AFG3L2: variants seen among roughly 807,000 people sequenced by gnomAD.
The protein encoded by AFG3L2 is mitochondrial inner membrane m-AAA protease component AFG3L2.
In AFG3L2, 54 loss-of-function variants were observed where a neutral mutation model predicts 94.5. The observed-to-expected ratio is 0.57, with a 90% confidence interval of 0.46 to 0.72. AFG3L2 has a LOEUF of 0.72. Ranked by LOEUF, AFG3L2 falls within the 30% of genes least tolerant of loss-of-function variation. The pLI is 0.00. For synonymous variants in AFG3L2, 377 were observed against 365.5 expected, an observed-to-expected ratio of 1.03 and a Z score of -0.36; for missense variants, 754 against 994.9, an observed-to-expected ratio of 0.76 and a Z score of 3.26.
intron 1 of AFG3L2, 138 bp downstream of exon 1, chr18:12,376,831 C>A (rs1568149346): frequency 1.7e-6 from 1 of 576,106 alleles, no homozygotes. Context: ...AGAGACAGCG[C>A]AGGGCGCCCA....
At chr18:12,349,089 T>C (rs939859239) in intron 12 of AFG3L2, among the ~76,000 whole-genome samples, 1 of 152,238 alleles carries the variant, frequency 6.6e-6, no homozygotes, top group African/African-American at 2.4e-5. Flanking sequence ...CATTTTGCGT[T>C]CAGAAGGAGA....
At chr18:12,349,656 CAT>C (rs113472493) in intron 12 of AFG3L2, among the ~76,000 whole-genome samples, 1,566 of 152,010 alleles carry the variant, frequency 0.01, 26 homozygotes, top group African/African-American at 0.031. Context: ...CAAAAGACCA[CAT>C]GTTTTTATTT....
At chr18:12,337,713 C>A (rs1022413778) in intron 15 of AFG3L2, among the ~76,000 whole-genome samples, 178 bp from the exon 16 acceptor site, 1 of 152,172 alleles carries the variant, frequency 6.6e-6, no homozygotes, top group Non-Finnish European at 1.5e-5. Flanking sequence ...GAAGCCCAGG[C>A]ATAACACCTA....
At position 12,333,644 on chromosome 18, in the gene AFG3L2, CAT is replaced by C. The variant is rs377457840; in HGVS notation, c.2175+3695_2175+3696del. 2.6e-3 allele frequency among the ~76,000 whole-genome samples: 395 copies of C among 152,224 alleles called. 2 individuals carry two copies. Among genetic ancestry groups the C allele is most frequent in the African/African-American group, 9.2e-3 (380 of 41,522 alleles). ...CCTCCCAAAGTGCTGGGATTATAGA[CAT>C]GTGCCACAGTTCTTGGCCAAAATAT... On this transcript the variant is annotated intron_variant, in intron 16 of 16. Transcript: ENST00000269143.
rs548494989 is a variant in AFG3L2 at position 12,345,854 on chromosome 18, A to G, written c.1664-1607T>C. ...TTACCATCTGAGGTTTACCTTTTCA[A>G]TAACAAATTTATAGAATAAAAGGGC... is the stretch of plus-strand genomic sequence containing the variant. On this transcript the variant is annotated intron_variant, in intron 13 of 16. Coordinates refer to ENST00000269143, the MANE Select transcript of AFG3L2 (RefSeq NM_006796.3). Among the ~76,000 whole-genome samples, 42 of 152,282 alleles carry G rather than the reference A, an allele frequency of 2.8e-4. No homozygotes were observed. In the South Asian group the frequency reaches 5.4e-3, roughly 20 times the overall value.
At chr18:12,330,544 G>A (rs971107645) in intron 16 of AFG3L2, among the ~76,000 whole-genome samples, 14 of 152,160 alleles carry the variant, frequency 9.2e-5, no homozygotes, top group African/African-American at 2.4e-4. Context: ...TTGGGAGGCC[G>A]AGGTGGGCGG....
chr18:12,334,070 A>G (rs1353781260), intron 16 of AFG3L2, among the ~76,000 whole-genome samples: 1 of 152,194 alleles, frequency 6.6e-6, no homozygotes, highest in Non-Finnish European at 1.5e-5. Context: ...TGTTGGGTGA[A>G]TGCTGGCAAG....
intron 16 of AFG3L2, among the ~76,000 whole-genome samples, chr18:12,334,346 CTG>C (rs1376833515): frequency 6.6e-6 from 1 of 152,172 alleles, no homozygotes; most frequent in Non-Finnish European, 1.5e-5. Context: ...GACACTGAGA[CTG>C]TGGATGGGTG....
At chr18:12,343,888 A>C in intron 14 of AFG3L2, 1 of 557,662 alleles carries the variant, frequency 1.8e-6, no homozygotes, top group Non-Finnish European at 3.2e-6. Context: ...GCTTTATAGG[A>C]GCAAACTCTC....
At chr18:12,374,576 C>T (rs186950031) in intron 1 of AFG3L2, among the ~76,000 whole-genome samples, 55 of 152,304 alleles carry the variant, frequency 3.6e-4, no homozygotes, top group African/African-American at 1.0e-3. Flanking sequence ...CCACACCCTC[C>T]GCAAATCAAT....
intron 15 of AFG3L2, among the ~76,000 whole-genome samples, chr18:12,337,813 A>T (rs1434629794): frequency 6.6e-6 from 1 of 152,106 alleles, no homozygotes; most frequent in Non-Finnish European, 1.5e-5. Flanking sequence ...TCTGTTGCCC[A>T]GGCTATAGTG....
At chr18:12,347,573 C>T (rs535320773) in intron 13 of AFG3L2, among the ~76,000 whole-genome samples, 30 of 147,282 alleles carry the variant, frequency 2.0e-4, no homozygotes, top group African/African-American at 7.3e-4. Context: ...TTTTTTGAGA[C>T]AGAGACTTAC....
intron 1 of AFG3L2, among the ~76,000 whole-genome samples, chr18:12,376,165 G>A (rs1051734104): frequency 1.3e-5 from 2 of 152,166 alleles, no homozygotes; most frequent in Admixed American, 6.5e-5. Flanking sequence ...CTGACTACAA[G>A]GGCGCTGGGA....
intron 10 of AFG3L2, 112 bp from the exon 11 acceptor site, chr18:12,351,525 T>C: frequency 1.1e-6 from 1 of 940,434 alleles, no homozygotes; most frequent in Non-Finnish European, 1.7e-6. Flanking sequence ...AAACACATTT[T>C]CTATTCATTA....
intron 1 of AFG3L2, among the ~76,000 whole-genome samples, chr18:12,375,280 A>AGTCC (rs113773337): frequency 3.7e-4 from 53 of 142,486 alleles, no homozygotes; most frequent in African/African-American, 1.3e-3. Flanking sequence ...TAGGAGACAG[A>AGTCC]GTCCGTCACC....
chr18:12,356,584 G>A, intron 9 of AFG3L2, 110 bp downstream of exon 9: 1 of 1,497,466 alleles, frequency 6.7e-7, no homozygotes, highest in Non-Finnish European at 9.3e-7. Flanking sequence ...GGACTGGTGA[G>A]AGGTCACTCT....
rs1325423281 is a variant in AFG3L2 at position 12,329,117 on chromosome 18, C to G, written c.*448G>C. 1 of 702,774 alleles carries G rather than the reference C, an allele frequency of 1.4e-6. No individual in the cohort carries two copies. Among genetic ancestry groups the G allele is most frequent in the East Asian group, 2.7e-5 (1 of 37,290 alleles). 43.5% of individuals were successfully genotyped at this position (702,774 alleles called of 1,614,324 possible). On this transcript the variant is annotated 3_prime_UTR_variant, in exon 17 of 17. Coordinates refer to ENST00000269143, the MANE Select transcript of AFG3L2 (RefSeq NM_006796.3). ...AAATATTAAGTCAAATTAAAATGTT[C>G]TTATCAAGACTCCAATTTAATTTCA...
chr18:12,372,559 AAC>A, intron 1 of AFG3L2, among the ~76,000 whole-genome samples: 1 of 152,312 alleles, frequency 6.6e-6, no homozygotes, highest in East Asian at 1.9e-4. Context: ...GGAAGCTGAA[AAC>A]ACATGTCCAC....
intron 16 of AFG3L2, among the ~76,000 whole-genome samples, chr18:12,331,675 T>C (rs1335878091): frequency 6.6e-6 from 1 of 151,878 alleles, no homozygotes; most frequent in Non-Finnish European, 1.5e-5. Flanking sequence ...CTGCCTGTAA[T>C]CCCAGCTACT....
Sources: gnomAD v4.1 joint callset for allele counts (sites outside exome capture counted in the v4.1 genomes callset) on GRCh38, gnomAD v4.1.1 for gene constraint, MANE v1.5 for transcripts, NCBI Gene and HGNC (gene_info 2026-07-23, HGNC 2026-07-21) for gene names.